FOXP2: variants seen among roughly 807,000 people sequenced by gnomAD.
FOXP2 encodes the protein forkhead box P2.
In FOXP2, 12 loss-of-function variants were observed where a neutral mutation model predicts 115.8. The observed-to-expected ratio is 0.10, with a 90% CI of 0.07 to 0.17. The LOEUF (loss-of-function observed/expected upper bound fraction) is 0.17, where lower values mean the gene tolerates loss of function less well. Among genes scored for constraint, FOXP2 ranks in the 10% least tolerant of loss-of-function variants. FOXP2 has a pLI of 1.00. For synonymous variants in FOXP2, 328 were observed against 297.7 expected, an observed-to-expected ratio of 1.10 and a Z score of -1.05; for missense variants, 629 against 843.5, an observed-to-expected ratio of 0.75 and a Z score of 3.15.
chr7:114,334,928 AATCT>A (rs1283446618), intron 2 of FOXP2, among the ~76,000 whole-genome samples: 4 of 111,874 alleles, frequency 3.6e-5, no homozygotes, highest in African/African-American at 6.7e-5. Flanking sequence ...TATATATAGA[AATCT>A]ATATATATAT....
chr7:114,111,708 TA>T (rs1050451069), intron 1 of FOXP2, among the ~76,000 whole-genome samples: 9 of 152,004 alleles, frequency 5.9e-5, no homozygotes, highest in Non-Finnish European at 8.8e-5. Context: ...AAACAGGATT[TA>T]AAAAAATATA....
intron 3 of FOXP2, among the ~76,000 whole-genome samples, chr7:114,563,761 C>A (rs1800866285): frequency 6.6e-6 from 1 of 152,310 alleles, no homozygotes; most frequent in South Asian, 2.1e-4. Flanking sequence ...CAGTAGTCAA[C>A]TTCTCATTTA....
At chr7:114,511,534 G>C (rs113592071) in intron 2 of FOXP2, among the ~76,000 whole-genome samples, 21 of 152,248 alleles carry the variant, frequency 1.4e-4, no homozygotes, top group African/African-American at 4.8e-4. Flanking sequence ...CCAAAGACTA[G>C]CCAGATTTTT....
chr7:114,124,916 G>A (rs544795331), intron 1 of FOXP2, among the ~76,000 whole-genome samples: 12 of 152,028 alleles, frequency 7.9e-5, no homozygotes, highest in Non-Finnish European at 1.5e-4. Context: ...CTGCAACTCT[G>A]TGAGGCATAC....
intron 2 of FOXP2, among the ~76,000 whole-genome samples, chr7:114,324,737 G>T (rs1361408319): frequency 6.6e-6 from 1 of 151,776 alleles, no homozygotes; most frequent in African/African-American, 2.4e-5. Flanking sequence ...CAGAATATTT[G>T]CTTAGGAACC....
At chr7:114,677,081 G>C (rs575467540) in intron 16 of FOXP2, among the ~76,000 whole-genome samples, 1 of 151,154 alleles carries the variant, frequency 6.6e-6, no homozygotes, top group Non-Finnish European at 1.5e-5. Flanking sequence ...CAGGAGAATC[G>C]CTTGAACCCT....
intron 2 of FOXP2, among the ~76,000 whole-genome samples, chr7:114,369,641 C>A (rs1461819796): frequency 1.3e-5 from 2 of 152,204 alleles, no homozygotes; most frequent in East Asian, 1.9e-4. Context: ...GTAAACAATT[C>A]TGATAGCTAC....
chr7:114,476,360 C>G (rs1796260890), intron 2 of FOXP2, among the ~76,000 whole-genome samples: 2 of 151,970 alleles, frequency 1.3e-5, no homozygotes, highest in Non-Finnish European at 2.9e-5. Flanking sequence ...TATCCCAGAG[C>G]TATTTATTGA....
chr7:114,180,511 C>T (rs1793428240), intron 1 of FOXP2, among the ~76,000 whole-genome samples: 1 of 151,942 alleles, frequency 6.6e-6, no homozygotes, highest in Non-Finnish European at 1.5e-5. Flanking sequence ...TCTGAATTTA[C>T]AGTTGCCTCC....
chr7:114,498,908 T>C (rs1183605047), intron 2 of FOXP2: 3 of 718,062 alleles, frequency 4.2e-6, no homozygotes, highest in Non-Finnish European at 7.8e-6. Flanking sequence ...TACACCCAGG[T>C]TATTTGTTAA....
intron 3 of FOXP2, among the ~76,000 whole-genome samples, chr7:114,577,456 T>C (rs953252421): frequency 5.9e-5 from 9 of 151,984 alleles, no homozygotes; most frequent in African/African-American, 2.2e-4. Flanking sequence ...ATCATAACAA[T>C]AAGTTTTATG....
chr7:114,230,246 A>G (rs1794840459), intron 1 of FOXP2, among the ~76,000 whole-genome samples: 1 of 152,016 alleles, frequency 6.6e-6, no homozygotes, highest in Non-Finnish European at 1.5e-5. Flanking sequence ...AAAACTTCTT[A>G]ACAAAGAAAA....
chr7:114,635,408 T>C (rs1805164291), intron 6 of FOXP2, among the ~76,000 whole-genome samples: 1 of 152,172 alleles, frequency 6.6e-6, no homozygotes, highest in Admixed American at 6.5e-5. Flanking sequence ...CTTTCAAATA[T>C]CAAAGTTTTC....
intron 2 of FOXP2, among the ~76,000 whole-genome samples, chr7:114,310,277 C>A (rs1033112061): frequency 7.2e-5 from 11 of 152,284 alleles, no homozygotes; most frequent in Admixed American, 2.6e-4. Flanking sequence ...ATGTCTCCCC[C>A]AGAGGGGTAG....
At chr7:114,187,578 C>A (rs1034818237) in intron 1 of FOXP2, among the ~76,000 whole-genome samples, 1 of 152,186 alleles carries the variant, frequency 6.6e-6, no homozygotes, top group African/African-American at 2.4e-5. Context: ...AAAGAATTGC[C>A]CTTAATGCTT....
chr7:114,324,643 TTATC>T (rs753988902), intron 2 of FOXP2, among the ~76,000 whole-genome samples: 3 of 151,858 alleles, frequency 2.0e-5, no homozygotes, highest in African/African-American at 4.8e-5. Context: ...TTGGCGACTG[TTATC>T]TATCTATGAA....
intron 2 of FOXP2, among the ~76,000 whole-genome samples, chr7:114,322,883 T>G (rs1797461037): frequency 6.6e-6 from 1 of 152,156 alleles, no homozygotes; most frequent in Non-Finnish European, 1.5e-5. Context: ...TGAGGGAGAT[T>G]TAGGTTTTGT....
At chr7:114,131,940 G>A (rs7802891) in intron 1 of FOXP2, among the ~76,000 whole-genome samples, 21,504 of 152,102 alleles carry the variant, frequency 0.14, 2,111 homozygotes, top group East Asian at 0.39. Flanking sequence ...CATTGTTTAT[G>A]TATGGAAAGC....
At chr7:114,434,689 G>A (rs775467727) in intron 2 of FOXP2, among the ~76,000 whole-genome samples, 17 of 151,902 alleles carry the variant, frequency 1.1e-4, no homozygotes, top group Non-Finnish European at 2.2e-4. Context: ...AAAAAAATTA[G>A]GAGGTATAAA....
Sources: gnomAD v4.1 joint callset for allele counts (sites outside exome capture counted in the v4.1 genomes callset) on GRCh38, gnomAD v4.1.1 for gene constraint, MANE v1.5 for transcripts, NCBI Gene and HGNC (gene_info 2026-07-23, HGNC 2026-07-21) for gene names.